The following NELL1 variants were observed in gnomAD, a reference collection of about 807,000 sequenced individuals.
NELL1 encodes the protein neural EGFL like 1.
Under a neutral mutation model 107.4 loss-of-function variants are expected in NELL1, and 76 were observed. That is an observed-to-expected ratio of 0.71 (90% confidence interval 0.59 to 0.86). The LOEUF is 0.86. Ranked by LOEUF, NELL1 falls within the 40% of genes least tolerant of loss-of-function variation. NELL1 has a pLI of 0.00. For missense variants in NELL1, 1,024 were observed against 1,005.5 expected (o/e 1.02, Z -0.25); for synonymous variants, 353 against 341.2 (o/e 1.03, Z -0.38).
At chr11:21,491,511 T>C (rs1456733110) in intron 15 of NELL1, among the ~76,000 whole-genome samples, 1 of 152,162 alleles carries the variant, frequency 6.6e-6, no homozygotes, top group Non-Finnish European at 1.5e-5. Context: ...TAGTTGTAGA[T>C]AAGCGGCGCT....
chr11:20,669,626 A>G lies in NELL1; in HGVS notation c.-98A>G, dbSNP rs1590192047. On this transcript the variant is annotated 5_prime_UTR_variant, in exon 1 of 20. Transcript: ENST00000357134. The surrounding 1 kb of genome is among the most constrained non-coding windows in gnomAD (Gnocchi z 4.4). Reference sequence around the variant, plus strand: ...GCCACCTCCCCCGCCGCCCGCTAGCAAGTTTGGCGGCTCCAAGCCAGGCGC... The same window carrying G: ...GCCACCTCCCCCGCCGCCCGCTAGCGAGTTTGGCGGCTCCAAGCCAGGCGC... 23 of 1,034,896 alleles carry G rather than the reference A, an allele frequency of 2.2e-5. No homozygotes were observed. The East Asian group carries it at 5.9e-4, about 27-fold the overall frequency. The allele number at this position is 1,034,896 out of a possible 1,614,324, so 64.1% of individuals were successfully genotyped here.
intron 12 of NELL1, among the ~76,000 whole-genome samples, chr11:21,102,291 G>A (rs1166339862): frequency 6.6e-6 from 1 of 152,114 alleles, no homozygotes; most frequent in Admixed American, 6.5e-5. Flanking sequence ...TGGCCCTTTG[G>A]GGAACCACAG....
chr11:20,703,646 T>G (rs1035196277), intron 2 of NELL1, among the ~76,000 whole-genome samples: 2 of 152,250 alleles, frequency 1.3e-5, no homozygotes, highest in African/African-American at 4.8e-5. Context: ...CATTTAGTGC[T>G]ATAAATTTCT....
At chr11:20,750,867 C>T (rs1315726427) in intron 2 of NELL1, among the ~76,000 whole-genome samples, 1 of 152,074 alleles carries the variant, frequency 6.6e-6, no homozygotes, top group Non-Finnish European at 1.5e-5. Flanking sequence ...GGATTACAGG[C>T]GTGAGACACC....
intron 13 of NELL1, among the ~76,000 whole-genome samples, chr11:21,176,530 C>T (rs1856716074): frequency 6.6e-6 from 1 of 151,820 alleles, no homozygotes; most frequent in Admixed American, 6.6e-5. Flanking sequence ...TACTGGCAGG[C>T]TTGAACCAAT....
intron 12 of NELL1, among the ~76,000 whole-genome samples, chr11:21,088,029 A>G (rs996874890): frequency 5.3e-5 from 8 of 150,474 alleles, no homozygotes; most frequent in African/African-American, 2.0e-4. Flanking sequence ...TTCTATGATG[A>G]CAGCTTGTTT....
At chr11:20,856,563 T>A (rs1328598139) in intron 4 of NELL1, among the ~76,000 whole-genome samples, 1 of 152,244 alleles carries the variant, frequency 6.6e-6, no homozygotes, top group Non-Finnish European at 1.5e-5. Context: ...TCATTGGAGG[T>A]AAACAGCCCT....
At chr11:20,731,515 T>C (rs942694924) in intron 2 of NELL1, among the ~76,000 whole-genome samples, 3 of 152,208 alleles carry the variant, frequency 2.0e-5, no homozygotes, top group Non-Finnish European at 4.4e-5. Context: ...TGCCTATGGC[T>C]CTGTAAGTGT....
intron 17 of NELL1, among the ~76,000 whole-genome samples, chr11:21,560,999 C>G (rs1591037558): frequency 6.6e-6 from 1 of 152,042 alleles, no homozygotes; most frequent in Non-Finnish European, 1.5e-5. Flanking sequence ...TTTGGTTTTG[C>G]TTTATGCTTT....
intron 10 of NELL1, among the ~76,000 whole-genome samples, chr11:20,942,217 C>A (rs567310943): frequency 6.6e-6 from 1 of 152,284 alleles, no homozygotes; most frequent in Non-Finnish European, 1.5e-5. Context: ...CTCTCATTGG[C>A]CAGACTGTAC....
At position 20,975,947 on chromosome 11, in the gene NELL1, A is replaced by G. The variant is rs139078890; in HGVS notation, c.1300+15387A>G. ...CATATATGTACATATATGTGTACAT[A>G]TATGTACATTATATATACATTATAT... is the stretch of plus-strand genomic sequence containing the variant. On this transcript the variant is annotated intron_variant, in intron 12 of 19. Transcript: ENST00000357134. 3.6e-3 allele frequency among the ~76,000 whole-genome samples: 473 copies of G among 130,796 alleles called. 18 individuals are homozygous for G. Among genetic ancestry groups the G allele is most frequent in the Non-Finnish European group, 1.4e-3 (92 of 64,614 alleles). 85.8% of individuals were successfully genotyped at this position (130,796 alleles called of 152,430 possible).
At chr11:21,142,905 C>T (rs546246007) in intron 13 of NELL1, among the ~76,000 whole-genome samples, 14 of 152,184 alleles carry the variant, frequency 9.2e-5, no homozygotes, top group East Asian at 3.8e-4. Context: ...AACAGACGCA[C>T]GGTATGGCAC....
intron 2 of NELL1, among the ~76,000 whole-genome samples, chr11:20,701,159 C>T (rs1334488549): frequency 1.3e-5 from 2 of 152,190 alleles, no homozygotes; most frequent in African/African-American, 4.8e-5. Context: ...TCCACATCCT[C>T]TGCAGCACCT....
At chr11:21,479,625 A>G (rs1002666627) in intron 15 of NELL1, among the ~76,000 whole-genome samples, 1 of 152,182 alleles carries the variant, frequency 6.6e-6, no homozygotes, top group Admixed American at 6.5e-5. Flanking sequence ...TTGATAGCAT[A>G]AAAGGGTGAC....
At chr11:21,175,784 G>A (rs1193852671) in intron 13 of NELL1, among the ~76,000 whole-genome samples, 1 of 151,788 alleles carries the variant, frequency 6.6e-6, no homozygotes, top group East Asian at 1.9e-4. Context: ...TTTAAATTTT[G>A]GAGCCTAATT....
rs147314372 is a variant in NELL1 at position 21,549,260 on chromosome 11, G to C, written c.1787-10929G>C. Among the ~76,000 whole-genome samples the C allele has an allele frequency of 3.3e-4, 50 of 151,936 alleles. 1 individual carries two copies. Among genetic ancestry groups the C allele is most frequent in the Non-Finnish European group, 6.6e-4 (45 of 67,884 alleles). ...CAAGGACAAATTAGATCATGAGTTT[G>C]AAATGGTTTTGAAAATTCTAAAGAG... On this transcript the variant is annotated intron_variant, in intron 16 of 19. Coordinates refer to ENST00000357134, the MANE Select transcript of NELL1 (RefSeq NM_006157.5).
intron 2 of NELL1, among the ~76,000 whole-genome samples, chr11:20,780,003 T>G (rs916824549): frequency 1.3e-5 from 2 of 152,220 alleles, no homozygotes; most frequent in African/African-American, 4.8e-5. Flanking sequence ...TTGGTGTTTT[T>G]TTAACATCTG....
intron 1 of NELL1, among the ~76,000 whole-genome samples, chr11:20,676,357 A>C (rs758800320): frequency 6.6e-6 from 1 of 151,520 alleles, no homozygotes; most frequent in Non-Finnish European, 1.5e-5. Context: ...CCCTCCCCCA[A>C]CCTAACCCAC....
chr11:20,964,719 G>A (rs571914241), intron 12 of NELL1, among the ~76,000 whole-genome samples: 8 of 152,248 alleles, frequency 5.3e-5, no homozygotes, highest in South Asian at 2.1e-4. Flanking sequence ...CGATTTTGCC[G>A]ACATCAGTTT....
Sources: allele counts gnomAD v4.1 joint callset (sites outside exome capture counted in the v4.1 genomes callset), GRCh38; gene constraint gnomAD v4.1.1; non-coding constraint Gnocchi (gnomAD v3.1); transcripts MANE v1.5; gene names NCBI Gene and HGNC (gene_info 2026-07-23, HGNC 2026-07-21).